The following IQGAP1 variants were observed in gnomAD, a reference collection of about 807,000 sequenced individuals.
IQGAP1 encodes the protein IQ motif containing GTPase activating protein 1, also known as ras GTPase-activating-like protein IQGAP1.
Under a neutral mutation model 215.6 loss-of-function variants are expected in IQGAP1, and 66 were observed. That is an observed-to-expected ratio of 0.31 (90% confidence interval 0.25 to 0.38). The LOEUF (loss-of-function observed/expected upper bound fraction) is 0.38, where lower values mean the gene tolerates loss of function less well. Among genes scored for constraint, IQGAP1 ranks in the 10% least tolerant of loss-of-function variants. The probability of loss-of-function intolerance (pLI) is 1.00; values close to 1 mark genes in which losing one functional copy is unlikely to be tolerated. For synonymous variants in IQGAP1, 772 were observed against 728.7 expected (o/e 1.06, Z -0.96); for missense variants, 1,712 against 1,997.1 (o/e 0.86, Z 2.72).
At chr15:90,422,759 G>A (rs1297136183) in intron 2 of IQGAP1, among the ~76,000 whole-genome samples, 4 of 150,548 alleles carry the variant, frequency 2.7e-5, no homozygotes, top group Admixed American at 6.7e-5. Context: ...ATGGTGGCAC[G>A]ATCATAACTC....
chr15:90,452,853 C>G lies in IQGAP1; in HGVS notation c.1241C>G (p.Pro414Arg), dbSNP rs777272899. Residue 414 changes from proline to arginine, a missense_variant, in exon 12 of 38, where the codon CCC becomes CGC. Coordinates refer to ENST00000268182, the MANE Select transcript of IQGAP1 (RefSeq NM_003870.4). ...AEKTVLELMN[P>R]EAQLPQVYPF... ...AAGACTGTTTTGGAACTGATGAATC[C>G]CGAAGCCCAGCTGCCCCAGGTGTAT... is the stretch of plus-strand genomic sequence containing the variant. 6.2e-7 allele frequency: 1 copy of G among 1,614,048 alleles called. No individual in the cohort carries two copies. Among genetic ancestry groups the G allele is most frequent in the Non-Finnish European group, 8.5e-7 (1 of 1,179,990 alleles).
chr15:90,420,196 A>G (rs1187217796), intron 2 of IQGAP1, among the ~76,000 whole-genome samples: 5 of 152,122 alleles, frequency 3.3e-5, no homozygotes, highest in African/African-American at 1.2e-4. Context: ...TGCTAGCTCT[A>G]TTTCACTTGC....
At chr15:90,448,503 G>T in intron 9 of IQGAP1, 70 bp from the exon 10 acceptor site, 19 of 1,376,370 alleles carry the variant, frequency 1.4e-5, no homozygotes, top group Non-Finnish European at 1.8e-5. Context: ...ATTGGTTTTG[G>T]GGAAGGAAAA....
At chr15:90,449,780 A>C in intron 11 of IQGAP1, 137 bp downstream of exon 11, 1 of 613,164 alleles carries the variant, frequency 1.6e-6, no homozygotes, top group East Asian at 3.1e-5. Flanking sequence ...TTTTGGTGGC[A>C]GGAGGGTTCC....
At chr15:90,463,208 G>T (rs1414318410) in intron 15 of IQGAP1, among the ~76,000 whole-genome samples, 1 of 152,164 alleles carries the variant, frequency 6.6e-6, no homozygotes, top group African/African-American at 2.4e-5. Flanking sequence ...TTCTTAAGGA[G>T]TATGTATGAA....
chr15:90,431,382 A>G (rs958410874), intron 4 of IQGAP1: 3 of 152,148 alleles, frequency 2.0e-5, no homozygotes, highest in African/African-American at 4.8e-5. Context: ...ATACTGTGCT[A>G]TATAGTGTAA....
intron 17 of IQGAP1, among the ~76,000 whole-genome samples, chr15:90,467,187 G>A (rs2151029475): frequency 6.6e-6 from 1 of 152,290 alleles, no homozygotes; most frequent in African/African-American, 2.4e-5. Flanking sequence ...GCTTTGGAGT[G>A]AACAAAGTTA....
intron 15 of IQGAP1, among the ~76,000 whole-genome samples, chr15:90,458,616 A>T (rs1298268827): frequency 6.6e-6 from 1 of 152,228 alleles, no homozygotes; most frequent in Non-Finnish European, 1.5e-5. Context: ...TCTGTATTTT[A>T]AAAATGACTT....
At chr15:90,462,378 T>C (rs1169059237) in intron 15 of IQGAP1, among the ~76,000 whole-genome samples, 1 of 152,194 alleles carries the variant, frequency 6.6e-6, no homozygotes, top group African/African-American at 2.4e-5. Context: ...CCAACTCTAA[T>C]TGAAATCCCA....
rs187264356 is a variant in IQGAP1, at chr15:90,480,825, G to T, written c.3330-1135G>T. On this transcript the variant is annotated intron_variant, in intron 26 of 37. Coordinates refer to ENST00000268182, the MANE Select transcript of IQGAP1 (RefSeq NM_003870.4). ...CTGGGATTACAGGCATGCGCCACAC[G>T]CCTGGCTAATTTTTGTATTTATAGT... 1.6e-4 allele frequency among the ~76,000 whole-genome samples: 24 copies of T among 152,196 alleles called. No individual in the cohort carries two copies. In the East Asian group the frequency reaches 3.9e-3, roughly 25 times the overall value.
At chr15:90,481,399 ACCT>A (rs891336267) in intron 26 of IQGAP1, among the ~76,000 whole-genome samples, 14 of 147,414 alleles carry the variant, frequency 9.5e-5, no homozygotes, top group African/African-American at 3.3e-4. Flanking sequence ...ATCCTTGAAG[ACCT>A]CCTTCTGGTT....
intron 33 of IQGAP1, 92 bp downstream of exon 33, chr15:90,487,674 A>G: frequency 1.2e-6 from 1 of 846,888 alleles, no homozygotes. Flanking sequence ...CACAAATAAC[A>G]GTTGGTAGCC....
intron 28 of IQGAP1, 156 bp from the exon 29 acceptor site, chr15:90,483,205 G>T (rs1179171615): frequency 3.3e-6 from 2 of 598,342 alleles, no homozygotes; most frequent in Non-Finnish European, 6.0e-6. Context: ...ATGAGAGAGA[G>T]TGTGTATATG....
chr15:90,447,023 G>A (rs768472191), intron 9 of IQGAP1, among the ~76,000 whole-genome samples: 2 of 152,156 alleles, frequency 1.3e-5, no homozygotes, highest in Admixed American at 6.6e-5. Context: ...TATACCTAGA[G>A]AAAGTCTAGT....
chr15:90,494,664 T>G (rs1205530136), intron 35 of IQGAP1, 49 bp from the exon 36 acceptor site: 1 of 1,523,098 alleles, frequency 6.6e-7, no homozygotes, highest in East Asian at 2.3e-5. Context: ...TGATGAAGAT[T>G]CAGAGTAGAT....
At chr15:90,487,185 C>A in intron 32 of IQGAP1, 96 bp downstream of exon 32, 1 of 1,199,770 alleles carries the variant, frequency 8.3e-7, no homozygotes, top group Non-Finnish European at 1.2e-6. Context: ...AAATGACCAT[C>A]CTGACCTCTC....
intron 2 of IQGAP1, among the ~76,000 whole-genome samples, chr15:90,413,912 G>A (rs1965005125): frequency 6.6e-6 from 1 of 152,196 alleles, no homozygotes; most frequent in Non-Finnish European, 1.5e-5. Context: ...ATCTCAGGGA[G>A]GAAGTGGGGT....
At chr15:90,447,139 C>T (rs1965537890) in intron 9 of IQGAP1, among the ~76,000 whole-genome samples, 1 of 152,080 alleles carries the variant, frequency 6.6e-6, no homozygotes, top group Non-Finnish European at 1.5e-5. Context: ...TATAGCAGAT[C>T]CTCAGTAAAT....
At chr15:90,489,163 C>G (rs141371435) in intron 33 of IQGAP1, among the ~76,000 whole-genome samples, 1 of 149,050 alleles carries the variant, frequency 6.7e-6, no homozygotes, top group African/African-American at 2.5e-5. Context: ...CAGAGTCTCA[C>G]TCTCACTCAG....
Sources: gnomAD v4.1 joint callset for allele counts (sites outside exome capture counted in the v4.1 genomes callset) on GRCh38, gnomAD v4.1.1 for gene constraint, MANE v1.5 for transcripts, NCBI Gene and HGNC (gene_info 2026-07-23, HGNC 2026-07-21) for gene names.